Variants in GALNT13 observed in about 807,000 individuals in gnomAD.
The protein encoded by GALNT13 is UDP-GalNAc:polypeptide N-acetylgalactosaminyltransferase 13.
A neutral mutation model predicts 64.2 loss-of-function variants in GALNT13; 28 were observed. The observed-to-expected ratio is 0.44, with a 90% CI of 0.32 to 0.60. The LOEUF is 0.60. Among genes scored for constraint, GALNT13 ranks in the 20% least tolerant of loss-of-function variants. GALNT13 has a pLI of 0.05. For missense variants in GALNT13, 577 were observed against 669.8 expected (o/e 0.86, Z 1.53); for synonymous variants, 214 against 224.6 (o/e 0.95, Z 0.42).
At chr2:154,025,810 A>G (rs1312796843) in intron 3 of GALNT13, among the ~76,000 whole-genome samples, 5 of 152,176 alleles carry the variant, frequency 3.3e-5, no homozygotes, top group African/African-American at 4.8e-5. Flanking sequence ...AGGTCACTCA[A>G]TTCTTTGAGG....
the GALNT13 span, among the ~76,000 whole-genome samples, chr2:153,752,325 C>T: frequency 4.6e-5 from 7 of 151,928 alleles, no homozygotes; most frequent in Admixed American, 4.6e-4. Context: ...TTGCTATTAC[C>T]AGTGAGTTTT....
chr2:154,251,279 A>G (rs1690056295), intron 7 of GALNT13, among the ~76,000 whole-genome samples: 2 of 152,128 alleles, frequency 1.3e-5, no homozygotes, highest in East Asian at 1.9e-4. Context: ...AAATGAAAGT[A>G]CAATGAAAGA....
In GALNT13 at chr2:154,450,699, A is replaced by G; in HGVS notation, c.*148A>G. The G allele has an allele frequency of 1.4e-6, 1 of 714,150 alleles. No individual in the cohort carries two copies. Among genetic ancestry groups the G allele is most frequent in the Non-Finnish European group, 2.2e-6 (1 of 461,620 alleles). 44.2% of individuals were successfully genotyped at this position (714,150 alleles called of 1,614,324 possible). A position where few individuals can be genotyped will look rare whatever the true frequency, so the allele number is the denominator to read the frequency against. On this transcript the variant is annotated 3_prime_UTR_variant, in exon 13 of 13. Coordinates refer to ENST00000392825, the MANE Select transcript of GALNT13 (RefSeq NM_052917.4). The stretch of plus-strand genomic sequence containing the variant: ...AATTGTTTCTAATTCGTTTCTAGAA[A>G]TGTTTGCTTATTTCCCTACTAAAAT...
chr2:154,329,957 G>A (rs955316578), intron 9 of GALNT13, among the ~76,000 whole-genome samples: 2 of 151,982 alleles, frequency 1.3e-5, no homozygotes, highest in South Asian at 4.1e-4. Context: ...AGAACCATGA[G>A]CCAAGTAAAC....
At chr2:153,207,844 A>G in the GALNT13 span, among the ~76,000 whole-genome samples, 1 of 152,164 alleles carries the variant, frequency 6.6e-6, no homozygotes, top group Admixed American at 6.5e-5. Context: ...ACCAAATGGG[A>G]AAAACGCTGT....
chr2:153,271,097 C>G, the GALNT13 span, among the ~76,000 whole-genome samples: 3 of 152,074 alleles, frequency 2.0e-5, no homozygotes, highest in Non-Finnish European at 4.4e-5. Flanking sequence ...TCTCAATAAA[C>G]TAGGTATTGA....
At chr2:153,481,006 T>G in the GALNT13 span, among the ~76,000 whole-genome samples, 1 of 152,152 alleles carries the variant, frequency 6.6e-6, no homozygotes, top group African/African-American at 2.4e-5. Flanking sequence ...TGATCAAACC[T>G]TGGAGTCAGG....
chr2:153,879,470 A>T (rs1465662843), intron 1 of GALNT13, among the ~76,000 whole-genome samples: 1 of 151,374 alleles, frequency 6.6e-6, no homozygotes, highest in African/African-American at 2.4e-5. Flanking sequence ...GTAGCCTTAA[A>T]CCCCTTGGCG....
intron 3 of GALNT13, among the ~76,000 whole-genome samples, chr2:153,959,543 A>T (rs1692797855): frequency 6.6e-6 from 1 of 152,254 alleles, no homozygotes; most frequent in Non-Finnish European, 1.5e-5. Context: ...AGGGGTGACA[A>T]GGACGTGTTT....
At chr2:153,136,007 T>C in the GALNT13 span, among the ~76,000 whole-genome samples, 1 of 152,134 alleles carries the variant, frequency 6.6e-6, no homozygotes, top group Non-Finnish European at 1.5e-5. Context: ...ATGAGTTCTA[T>C]ACAGGGGGAG....
At chr2:153,545,890 G>A in the GALNT13 span, among the ~76,000 whole-genome samples, 1 of 152,222 alleles carries the variant, frequency 6.6e-6, no homozygotes, top group Non-Finnish European at 1.5e-5. Flanking sequence ...TCAGGGCAAA[G>A]TACGTGGATC....
intron 3 of GALNT13, among the ~76,000 whole-genome samples, chr2:154,041,558 T>G (rs1698978044): frequency 7.1e-6 from 1 of 140,656 alleles, no homozygotes; most frequent in African/African-American, 2.4e-5. Flanking sequence ...CATCAATTAA[T>G]TTACATAAAT....
At chr2:153,679,947 A>G in the GALNT13 span, among the ~76,000 whole-genome samples, 21 of 152,006 alleles carry the variant, frequency 1.4e-4, no homozygotes, top group Non-Finnish European at 2.4e-4. Flanking sequence ...TTTCAATTCA[A>G]TAACATTTTT....
At chr2:153,758,609 C>T in the GALNT13 span, among the ~76,000 whole-genome samples, 2 of 152,028 alleles carry the variant, frequency 1.3e-5, no homozygotes, top group Non-Finnish European at 2.9e-5. Context: ...TATTTATCTA[C>T]TGAGACAGAG....
the GALNT13 span, among the ~76,000 whole-genome samples, chr2:153,634,351 A>T: frequency 3.3e-5 from 5 of 152,166 alleles, no homozygotes; most frequent in African/African-American, 9.6e-5. Context: ...AATGTAGTAC[A>T]TGTCTATTCA....
chr2:153,872,376 G>C (rs1359068533), intron 1 of GALNT13, 73 bp downstream of exon 1: 3 of 152,014 alleles, frequency 2.0e-5, no homozygotes, highest in Non-Finnish European at 2.9e-5. Context: ...GGCTGCCAGA[G>C]TGCCGGGGCT....
chr2:153,508,194 G>C, the GALNT13 span, among the ~76,000 whole-genome samples: 1 of 152,198 alleles, frequency 6.6e-6, no homozygotes, highest in Admixed American at 6.5e-5. Context: ...AGCTCTTATA[G>C]GGAGGAAGCA....
At chr2:154,208,657 TGTGTGTG>T (rs1559025766) in intron 4 of GALNT13, among the ~76,000 whole-genome samples, 10 of 142,128 alleles carry the variant, frequency 7.0e-5, no homozygotes, top group African/African-American at 2.3e-4. Context: ...TGTGTGTGTG[TGTGTGTG>T]TGTGTAGCTA....
chr2:154,158,074 A>G (rs1056737817), intron 4 of GALNT13, among the ~76,000 whole-genome samples: 1 of 152,040 alleles, frequency 6.6e-6, no homozygotes, highest in Non-Finnish European at 1.5e-5. Flanking sequence ...GTAGTGTGTC[A>G]ATGTTCAATA....
Sources: gnomAD v4.1 joint callset for allele counts (sites outside exome capture counted in the v4.1 genomes callset) on GRCh38, gnomAD v4.1.1 for gene constraint, MANE v1.5 for transcripts, NCBI Gene and HGNC (gene_info 2026-07-23, HGNC 2026-07-21) for gene names.